Variants in AJUBA observed in about 807,000 individuals in gnomAD.
AJUBA encodes ajuba LIM protein.
Under a neutral mutation model 53.3 loss-of-function variants are expected in AJUBA, and 20 were observed. The observed-to-expected ratio is 0.38, with a 90% CI of 0.26 to 0.55. AJUBA has a LOEUF of 0.55. Ranked by LOEUF, AJUBA falls within the 20% of genes least tolerant of loss-of-function variation. The pLI is 0.80. For synonymous variants in AJUBA, 296 were observed against 306.2 expected, an observed-to-expected ratio of 0.97 and a Z score of 0.35; for missense variants, 580 against 730.5, an observed-to-expected ratio of 0.79 and a Z score of 2.38.
At chr14:22,974,627 T>C in intron 6 of AJUBA, 1 of 570,888 alleles carries the variant, frequency 1.8e-6, no homozygotes, top group Non-Finnish European at 3.1e-6. Flanking sequence ...ATAGAAGAGA[T>C]GGAGCCTGGG....
chr14:22,976,656 C>T lies in AJUBA; in HGVS notation c.1165G>A (p.Glu389Lys), dbSNP rs1188082843. ...TGACCCTTACTCACCAGATAATCTTCCTCACAGTACACAGAGCCATTGACA... is the reference window on the plus strand; with the variant it reads ...TGACCCTTACTCACCAGATAATCTTTCTCACAGTACACAGAGCCATTGACA... ...YSVNGSVYCE[E>K]DYLFSGFQEA... Residue 389 changes from glutamate (E) to lysine (K), a missense_variant, in exon 3 of 8, where the codon GAA becomes AAA. By Grantham distance (56) the Glu-to-Lys change is moderately conservative. Around this residue, in one of 2 missense-constraint regions of AJUBA, gnomAD observed 150 missense variants for 259.0 expected, o/e 0.58. Transcript: ENST00000262713. 26 of 1,614,060 alleles carry T rather than the reference C, an allele frequency of 1.6e-5. No homozygotes were observed. Among genetic ancestry groups the T allele is most frequent in the Non-Finnish European group, 2.2e-5 (26 of 1,179,996 alleles).
Position 22,982,040 on chromosome 14 carries a change from T to C in AJUBA, c.227A>G (p.Gln76Arg), listed in dbSNP as rs757629441. 2 of 1,591,656 alleles carry C rather than the reference T, an allele frequency of 1.3e-6. No individual in the cohort carries two copies. Among genetic ancestry groups the C allele is most frequent in the Non-Finnish European group, 1.7e-6 (2 of 1,173,578 alleles). Residue 76 changes from glutamine to arginine, a missense_variant, in exon 1 of 8, where the codon CAG becomes CGG. Gln to Arg is a conservative substitution (Grantham distance 43). Coordinates refer to ENST00000262713, the MANE Select transcript of AJUBA (RefSeq NM_032876.6). ...EQGSLDAERN[Q>R]RGSFEAPRYE... The stretch of plus-strand genomic sequence containing the variant: ...GCGCGGCGCCTCAAAGGAGCCGCGC[T>C]GATTTCGCTCAGCGTCCAGGGAACC...
At chr14:22,973,651 C>A in intron 7 of AJUBA, 83 bp from the exon 8 acceptor site, 1 of 1,551,240 alleles carries the variant, frequency 6.4e-7, no homozygotes, top group South Asian at 1.2e-5. Context: ...TGCTCAACAC[C>A]TGACTCCTAA....
chr14:22,981,664 C>T lies in AJUBA; in HGVS notation c.603G>A (p.Pro201=). The T allele has an allele frequency of 6.6e-7, 1 of 1,512,460 alleles. No individual in the cohort carries two copies. The highest frequency in any genetic ancestry group is 8.8e-7 in the Non-Finnish European group (1 of 1,132,182). 93.7% of individuals were successfully genotyped at this position (1,512,460 alleles called of 1,614,324 possible). A position where few individuals can be genotyped will look rare whatever the true frequency, so the allele number is the denominator to read the frequency against. Residue 201 remains proline, a synonymous_variant, in exon 1 of 8, where the codon CCG becomes CCA. Transcript: ENST00000262713. Reference sequence around the variant, plus strand: ...CGGCGTGGAGCTCCGGGTAGGCGGACGGGACCCCTCCGGGAGAATAGCCTG... The same window carrying T: ...CGGCGTGGAGCTCCGGGTAGGCGGATGGGACCCCTCCGGGAGAATAGCCTG... The part of the protein sequence containing the change: ...APAGYSPGGV[P]SAYPELHAAL...
Position 22,973,678 on chromosome 14 carries a change from AT to A in AJUBA, c.1492-111del, listed in dbSNP as rs1024435831. 6.3e-4 allele frequency: 913 copies of A among 1,446,514 alleles called. 9 individuals are homozygous for A. Among genetic ancestry groups the A allele is most frequent in the Non-Finnish European group, 3.4e-5 (36 of 1,063,366 alleles). 89.6% of individuals were successfully genotyped at this position (1,446,514 alleles called of 1,614,324 possible). On this transcript the variant is annotated intron_variant, in intron 7 of 7. Coordinates refer to ENST00000262713, the MANE Select transcript of AJUBA (RefSeq NM_032876.6). ...GACTCCTAATAACTGGAAGAAAGGGATGGGGTGGGAAGGGAAGGATGGAAGG... is the reference window on the plus strand; with the variant it reads ...GACTCCTAATAACTGGAAGAAAGGGAGGGGTGGGAAGGGAAGGATGGAAGG...
intron 6 of AJUBA, chr14:22,974,584 G>C (rs190720765): frequency 6.0e-6 from 3 of 495,962 alleles, no homozygotes; most frequent in South Asian, 2.9e-5. Context: ...TGGTGACCTC[G>C]ACCTCAAAGA....
At chr14:22,976,031 C>T (rs1412102279) in intron 4 of AJUBA, among the ~76,000 whole-genome samples, 4 of 151,128 alleles carry the variant, frequency 2.6e-5, no homozygotes, top group East Asian at 1.9e-4. Context: ...GGCATGGTGG[C>T]GCATGCCTGT....
At chr14:22,978,557 G>A (rs1431142957) in intron 1 of AJUBA, 112 bp from the exon 2 acceptor site, 13 of 1,492,208 alleles carry the variant, frequency 8.7e-6, no homozygotes, top group Non-Finnish European at 1.1e-5. Context: ...CCCTTTGATG[G>A]GCTCCCTTCT....
rs559857557 is a variant in AJUBA at position 22,981,039 on chromosome 14, G to C, written c.1006+222C>G. Among the ~76,000 whole-genome samples, 49 of 152,190 alleles carry C rather than the reference G, an allele frequency of 3.2e-4. 1 individual carries two copies. In the South Asian group the frequency reaches 9.9e-3, roughly 31 times the overall value. ...TGAGAAACGGACTCACGAGATACCA[G>C]GGGGGTTGAATTTAGCAGAAATAAG... is the stretch of plus-strand genomic sequence containing the variant. On this transcript the variant is annotated intron_variant, in intron 1 of 7. Transcript: ENST00000262713.
At chr14:22,974,772 A>AT in intron 6 of AJUBA, 67 bp downstream of exon 6, 1 of 1,523,180 alleles carries the variant, frequency 6.6e-7, no homozygotes, top group Non-Finnish European at 8.9e-7. Context: ...GCCAGGCAGC[A>AT]TGTCCCTATC....
intron 4 of AJUBA, 75 bp downstream of exon 4, chr14:22,976,381 T>C: frequency 6.9e-7 from 1 of 1,444,678 alleles, no homozygotes; most frequent in African/African-American, 1.4e-5. Context: ...CAACCTTCTC[T>C]CAATATCCAT....
At chr14:22,978,110 G>A (rs1332280187) in intron 2 of AJUBA, among the ~76,000 whole-genome samples, 1 of 152,022 alleles carries the variant, frequency 6.6e-6, no homozygotes, top group Non-Finnish European at 1.5e-5. Flanking sequence ...AGGTGAGGAA[G>A]GAAGGAGGGA....
At chr14:22,974,516 C>T in intron 6 of AJUBA, 1 of 438,186 alleles carries the variant, frequency 2.3e-6, no homozygotes, top group South Asian at 3.0e-5. Context: ...ATTTCTGACC[C>T]CTTCCTACCA....
At chr14:22,974,818 G>A (rs773664731) in intron 6 of AJUBA, 21 bp downstream of exon 6, 2 of 1,607,356 alleles carry the variant, frequency 1.2e-6, no homozygotes, top group South Asian at 2.2e-5. Flanking sequence ...CTGCCCTGAA[G>A]GAGAACCCAG....
chr14:22,978,662 C>A, intron 1 of AJUBA: 1 of 1,328,594 alleles, frequency 7.5e-7, no homozygotes, highest in Non-Finnish European at 9.7e-7. Flanking sequence ...ATTTTCTGAG[C>A]ATCTGTTTTG....
At position 22,973,220 on chromosome 14, in the gene AJUBA, C is replaced by A. The variant is rs112463017; in HGVS notation, c.*223G>T. ...TGTGTGCCTAAGCTCAGACTGCACA[C>A]ATGGGAAAAAGGCCAGTCGCCCCCA... On this transcript the variant is annotated 3_prime_UTR_variant, in exon 8 of 8. Coordinates refer to ENST00000262713, the MANE Select transcript of AJUBA (RefSeq NM_032876.6). 3.4e-5 allele frequency: 21 copies of A among 624,524 alleles called. No individual in the cohort carries two copies. Among genetic ancestry groups the A allele is most frequent in the African/African-American group, 2.9e-4 (16 of 54,282 alleles). 38.7% of individuals were successfully genotyped at this position (624,524 alleles called of 1,614,324 possible). A position where few individuals can be genotyped will look rare whatever the true frequency, so the allele number is the denominator to read the frequency against.
chr14:22,980,086 C>T (rs10147742), intron 1 of AJUBA, among the ~76,000 whole-genome samples: 1 of 152,066 alleles, frequency 6.6e-6, no homozygotes, highest in African/African-American at 2.4e-5. Context: ...CCTCCCTGGC[C>T]GCGTTCCTCT....
rs780714755 is a variant in AJUBA, at chr14:22,976,459, C to T, written c.1236G>A (p.Glu412=). The part of the protein sequence containing the change: ...KCCVCGHLIL[E]KILQAMGKSY... The stretch of plus-strand genomic sequence containing the variant: ...CAGCTGAAAGCACTTTACTTACCTT[C>T]TCCAAAATCAAGTGACCACAGACAC... Residue 412 remains glutamate, a synonymous_variant, in exon 4 of 8, where the codon GAG becomes GAA. Transcript: ENST00000262713. The T allele has an allele frequency of 1.9e-6, 3 of 1,614,080 alleles. No individual in the cohort carries two copies. The highest frequency in any genetic ancestry group is 2.7e-5 in the African/African-American group (2 of 74,932).
intron 6 of AJUBA, 41 bp from the exon 7 acceptor site, chr14:22,974,156 T>C: frequency 1.2e-6 from 2 of 1,604,720 alleles, no homozygotes; most frequent in South Asian, 1.1e-5. Flanking sequence ...AGCAGCATGT[T>C]GCCTCACCTC....
Sources: allele counts gnomAD v4.1 joint callset (sites outside exome capture counted in the v4.1 genomes callset), GRCh38; gene constraint gnomAD v4.1.1; regional missense constraint gnomAD v4.1.1; transcripts MANE v1.5; gene names NCBI Gene and HGNC (gene_info 2026-07-23, HGNC 2026-07-21).